XPO1: variants seen among roughly 807,000 people sequenced by gnomAD.
XPO1 encodes the protein exportin-1.
A neutral mutation model predicts 133.3 loss-of-function variants in XPO1; 5 were observed. The observed-to-expected ratio is 0.04, with a 90% confidence interval of 0.02 to 0.08. XPO1 has a LOEUF of 0.08. Among genes scored for constraint, XPO1 ranks in the 10% least tolerant of loss-of-function variants. XPO1 has a pLI of 1.00. For missense variants in XPO1, 506 were observed against 1,267.5 expected (o/e 0.40, Z 9.12); for synonymous variants, 419 against 408.2 (o/e 1.03, Z -0.32).
At chr2:61,506,466 G>T (rs184292091) in intron 4 of XPO1, among the ~76,000 whole-genome samples, 3 of 151,922 alleles carry the variant, frequency 2.0e-5, no homozygotes, top group African/African-American at 7.2e-5. Context: ...AGGAGCAGTG[G>T]CTCATGCCTG....
At chr2:61,527,205 CATGCCTGTA>C (rs1454859343) in intron 2 of XPO1, among the ~76,000 whole-genome samples, 3 of 151,424 alleles carry the variant, frequency 2.0e-5, no homozygotes, top group Non-Finnish European at 4.4e-5. Flanking sequence ...AGCAGTGTTT[CATGCCTGTA>C]ATCCCAATAC....
chr2:61,533,915 G>GA lies in XPO1; in HGVS notation c.-6-13dup, dbSNP rs757347717. On this transcript the variant is annotated splice_polypyrimidine_tract_variant and intron_variant, in intron 1 of 24. Coordinates refer to ENST00000401558, the MANE Select transcript of XPO1 (RefSeq NM_003400.4). ...GCTGGCATAGATTACTGAAAATAAA[G>GA]AAAAAAAATTGAAGCTGCCTATCAA... The GA allele has an allele frequency of 1.3e-5, 20 of 1,503,420 alleles. No individual in the cohort carries two copies. The highest frequency in any genetic ancestry group is 5.4e-5 in the South Asian group (4 of 74,154). 93.1% of individuals were successfully genotyped at this position (1,503,420 alleles called of 1,614,324 possible). A position where few individuals can be genotyped will look rare whatever the true frequency, so the allele number is the denominator to read the frequency against.
Position 61,496,818 on chromosome 2 carries a change from AT to A in XPO1, c.888+60del, listed in dbSNP as rs113759808. 1.9e-3 allele frequency: 2,665 copies of A among 1,390,508 alleles called. 42 individuals are homozygous for A. In the African/African-American group the frequency reaches 0.036, roughly 19 times the overall value. The allele number at this position is 1,390,508 out of a possible 1,614,324, so 86.1% of individuals were successfully genotyped here. On this transcript the variant is annotated intron_variant, in intron 10 of 24. Coordinates refer to ENST00000401558, the MANE Select transcript of XPO1 (RefSeq NM_003400.4). ...GTCGTTCTAAAATAACTCATTTGGA[AT>A]TTGGTATTTTCTAAGGCACTAAAAT... is the stretch of plus-strand genomic sequence containing the variant.
At chr2:61,512,208 A>C (rs1698130913) in intron 4 of XPO1, among the ~76,000 whole-genome samples, 1 of 152,216 alleles carries the variant, frequency 6.6e-6, no homozygotes, top group Non-Finnish European at 1.5e-5. Flanking sequence ...TTTCTCATGA[A>C]TTTGTTTTAG....
intron 7 of XPO1, among the ~76,000 whole-genome samples, 174 bp downstream of exon 7, chr2:61,499,539 G>A (rs1293549716): frequency 1.3e-5 from 2 of 152,158 alleles, no homozygotes; most frequent in African/African-American, 4.8e-5. Context: ...AACCTTCAGA[G>A]GTAAATTATT....
chr2:61,518,785 G>C lies in XPO1; in HGVS notation c.301+3826C>G, dbSNP rs552337464. ...AAAACACATAAAACACAAACAAATA[G>C]ACACACACTTACGGCCTAAAGCTAA... On this transcript the variant is annotated intron_variant, in intron 4 of 24. Coordinates refer to ENST00000401558, the MANE Select transcript of XPO1 (RefSeq NM_003400.4). Among the ~76,000 whole-genome samples the C allele has an allele frequency of 4.5e-4, 69 of 152,178 alleles. 1 individual carries two copies. Among genetic ancestry groups the C allele is most frequent in the South Asian group, 2.3e-3 (11 of 4,824 alleles).
At chr2:61,532,535 A>G (rs1699201923) in intron 2 of XPO1, among the ~76,000 whole-genome samples, 1 of 151,958 alleles carries the variant, frequency 6.6e-6, no homozygotes, top group Non-Finnish European at 1.5e-5. Flanking sequence ...TCTGGCAACA[A>G]AACTACCATA....
At chr2:61,518,240 G>A (rs1698494177) in intron 4 of XPO1, among the ~76,000 whole-genome samples, 1 of 151,680 alleles carries the variant, frequency 6.6e-6, no homozygotes, top group African/African-American at 2.4e-5. Flanking sequence ...GCAACAGAGT[G>A]AAACCCTACA....
chr2:61,488,072 T>C (rs1696784295), intron 19 of XPO1, 93 bp downstream of exon 19: 2 of 1,142,888 alleles, frequency 1.7e-6, no homozygotes, highest in East Asian at 2.4e-5. Context: ...TTGATATGCT[T>C]TAAATTAGCA....
At chr2:61,523,578 T>C (rs913047786) in intron 3 of XPO1, among the ~76,000 whole-genome samples, 1 of 152,112 alleles carries the variant, frequency 6.6e-6, no homozygotes, top group Non-Finnish European at 1.5e-5. Context: ...CTGAGAGAAT[T>C]AGGGAAGAAT....
Position 61,490,713 on chromosome 2 carries a change from C to T in XPO1, c.1951G>A (p.Glu651Lys). The T allele has an allele frequency of 6.2e-7, 1 of 1,614,142 alleles. No homozygotes were observed. The highest frequency in any genetic ancestry group is 8.5e-7 in the Non-Finnish European group (1 of 1,180,020). Residue 651 changes from glutamate (E) to lysine (K), a missense_variant, in exon 17 of 25, where the codon GAA becomes AAA. By Grantham distance (56) the Glu-to-Lys change is moderately conservative. Around this residue, in one of 6 missense-constraint regions of XPO1, gnomAD observed 60 missense variants for 211.0 expected, o/e 0.28. Transcript: ENST00000401558. ...AACATGTACTTTTCTATCAAGTGTT[C>T]TTGTACTGTTTGATCTGTTTGTGCA... Reference protein sequence around the residue: ...IGAQTDQTVQEHLIEKYMLLP... With the variant: ...IGAQTDQTVQKHLIEKYMLLP...
intron 1 of XPO1, among the ~76,000 whole-genome samples, 173 bp downstream of exon 1, chr2:61,537,389 G>A (rs1405537681): frequency 6.7e-6 from 1 of 150,246 alleles, no homozygotes; most frequent in Non-Finnish European, 1.5e-5. Flanking sequence ...AGCGGCAAAA[G>A]CGGCTCCATT....
intron 4 of XPO1, among the ~76,000 whole-genome samples, chr2:61,519,903 G>A (rs1460712111): frequency 2.6e-5 from 4 of 151,986 alleles, no homozygotes; most frequent in African/African-American, 2.4e-5. Flanking sequence ...TAGCTAAAGG[G>A]CCGGACTTAG....
intron 6 of XPO1, among the ~76,000 whole-genome samples, chr2:61,501,473 G>A (rs1697513314): frequency 6.6e-6 from 1 of 151,800 alleles, no homozygotes; most frequent in African/African-American, 2.4e-5. Context: ...TATAATCCCA[G>A]CACTTTGGGA....
At chr2:61,532,799 C>G (rs1197828436) in intron 2 of XPO1, among the ~76,000 whole-genome samples, 1 of 151,194 alleles carries the variant, frequency 6.6e-6, no homozygotes, top group Non-Finnish European at 1.5e-5. Flanking sequence ...TGTGCCACTG[C>G]ACTCAGGCCT....
rs56213841 is a variant in XPO1, at chr2:61,500,578, C to CAAAAAAAAAAAA, written c.409-696_409-685dup. ...TGGGCAACAGGATGAGACTCCATCT[C>CAAAAAAAAAAAA]AAAAAAAAAAAAAAAAAAAAGAGCA... On this transcript the variant is annotated intron_variant, in intron 6 of 24. Coordinates refer to ENST00000401558, the MANE Select transcript of XPO1 (RefSeq NM_003400.4). Among the ~76,000 whole-genome samples the CAAAAAAAAAAAA allele has an allele frequency of 9.2e-3, 371 of 40,326 alleles. 23 individuals are homozygous for CAAAAAAAAAAAA. The highest frequency in any genetic ancestry group is 0.022 in the African/African-American group (162 of 7,406). The allele number at this position is 40,326 out of a possible 152,430, so 26.5% of individuals were successfully genotyped here. A position where few individuals can be genotyped will look rare whatever the true frequency, so the allele number is the denominator to read the frequency against.
At chr2:61,522,577 A>G in intron 4 of XPO1, 34 bp downstream of exon 4, 1 of 1,588,006 alleles carries the variant, frequency 6.3e-7, no homozygotes, top group African/African-American at 1.3e-5. Context: ...CAGGAAAAAC[A>G]AAACTCTGAA....
intron 4 of XPO1, 141 bp downstream of exon 4, chr2:61,522,470 T>TG (rs925782890): frequency 1.6e-4 from 113 of 694,368 alleles, no homozygotes; most frequent in Non-Finnish European, 2.9e-5. Context: ...CAAACAGACC[T>TG]GTTTGCTTCA....
chr2:61,489,006 G>A (rs761821263), intron 17 of XPO1, among the ~76,000 whole-genome samples: 1 of 152,092 alleles, frequency 6.6e-6, no homozygotes. Flanking sequence ...GGAGGTTGAG[G>A]CAGGAGAACG....
Sources: gnomAD v4.1 joint callset for allele counts (sites outside exome capture counted in the v4.1 genomes callset) on GRCh38, gnomAD v4.1.1 for gene constraint, gnomAD v4.1.1 regional missense constraint, MANE v1.5 for transcripts, NCBI Gene and HGNC (gene_info 2026-07-23, HGNC 2026-07-21) for gene names.